Variants in ANKRD23 observed in about 807,000 individuals in gnomAD.
ANKRD23 encodes the protein ankyrin repeat domain-containing protein 23.
ANKRD23 carries 52 observed loss-of-function variants against 38.1 expected under a neutral mutation model. The ratio of observed to expected loss-of-function variants is 1.36; its 90% CI spans 1.09 to 1.72. The LOEUF (loss-of-function observed/expected upper bound fraction) is 1.72, where lower values mean the gene tolerates loss of function less well. Among genes scored for constraint, ANKRD23 ranks in the 40% most tolerant of loss-of-function variants. The pLI, the probability that ANKRD23 is intolerant of heterozygous loss-of-function variation, is 0.00. For missense variants in ANKRD23, 416 were observed against 400.2 expected, an observed-to-expected ratio of 1.04 and a Z score of -0.34; for synonymous variants, 167 against 162.9, an observed-to-expected ratio of 1.03 and a Z score of -0.19.
intron 3 of ANKRD23, 104 bp from the exon 4 acceptor site, chr2:96,841,016 G>C: frequency 7.0e-7 from 1 of 1,424,356 alleles, no homozygotes; most frequent in Admixed American, 2.1e-5. Context: ...AGCCCACCAA[G>C]GAACACTGCT....
At chr2:96,840,556 A>C in intron 4 of ANKRD23, 42 bp from the exon 5 acceptor site, 2 of 1,595,686 alleles carry the variant, frequency 1.3e-6, no homozygotes, top group Non-Finnish European at 1.7e-6. Flanking sequence ...GAGTGCAGCC[A>C]CCCCTAGAGA....
intron 3 of ANKRD23, among the ~76,000 whole-genome samples, chr2:96,841,843 G>C (rs563462468): frequency 6.6e-5 from 10 of 152,222 alleles, no homozygotes; most frequent in African/African-American, 2.2e-4. Context: ...CCAGGACAGC[G>C]AGGTGACACA....
At position 96,842,495 on chromosome 2, in the gene ANKRD23, A is replaced by C. The variant is rs2079773154; in HGVS notation, c.44T>G (p.Val15Gly). Residue 15 changes from valine to glycine, a missense_variant, in exon 2 of 9, where the codon GTT becomes GGT. By Grantham distance (109) the Val-to-Gly change is moderately radical. Transcript: ENST00000318357. ...SIQQLVSGER[V>G]EGKVLGFGHG... ...TCCAAATCCCAACACTTTCCCTTCAACTCTTTCTCCACTTACCTGTAGGAA... is the reference window on the plus strand; with the variant it reads ...TCCAAATCCCAACACTTTCCCTTCACCTCTTTCTCCACTTACCTGTAGGAA... 1 of 1,613,482 alleles carries C rather than the reference A, an allele frequency of 6.2e-7. No individual in the cohort carries two copies. The highest frequency in any genetic ancestry group is 1.7e-4 in the Middle Eastern group (1 of 6,054).
At position 96,839,130 on chromosome 2, in the gene ANKRD23, C is replaced by G. The variant is rs1000254778; in HGVS notation, c.*419G>C. 2.5e-5 allele frequency: 25 copies of G among 997,036 alleles called. No homozygotes were observed. The African/African-American group carries it at 3.8e-4, about 15-fold the overall frequency. 61.8% of individuals were successfully genotyped at this position (997,036 alleles called of 1,614,324 possible). ...CGGGCTGAGTCCCCACACACACAGA[C>G]TGGCCCTGGAGAGAGCAAGGCAAGC... On this transcript the variant is annotated 3_prime_UTR_variant, in exon 9 of 9. Coordinates refer to ENST00000318357, the MANE Select transcript of ANKRD23 (RefSeq NM_144994.8).
chr2:96,840,504 G>T lies in ANKRD23; in HGVS notation c.437C>A (p.Thr146Asn). 1 of 1,613,858 alleles carries T rather than the reference G, an allele frequency of 6.2e-7. No homozygotes were observed. Among genetic ancestry groups the T allele is most frequent in the South Asian group, 1.1e-5 (1 of 91,076 alleles). ...CTTCAGACAGGCCCAGTGCAAGGCG[G>T]TGCGGTGGAGCTGAGGGCAGAGATG... Reference protein sequence around the residue: ...DPNAHDKLHRTALHWACLKGH... With the variant: ...DPNAHDKLHRNALHWACLKGH... Residue 146 changes from threonine (T) to asparagine (N), a missense_variant, in exon 5 of 9, where the codon ACC (threonine) becomes AAC (asparagine). Physicochemically the swap from Thr to Asn is moderately conservative, Grantham distance 65. Coordinates refer to ENST00000318357, the MANE Select transcript of ANKRD23 (RefSeq NM_144994.8).
Position 96,842,199 on chromosome 2 carries a change from C to G in ANKRD23, c.175-14G>C, listed in dbSNP as rs1437558079. On this transcript the variant is annotated splice_polypyrimidine_tract_variant and intron_variant, in intron 2 of 8. Coordinates refer to ENST00000318357, the MANE Select transcript of ANKRD23 (RefSeq NM_144994.8). ...AAATCTTTCAAGCTGGGGCAGAAGACAAGACCATGCCAGCCATCAGCCGCT... is the reference window on the plus strand; with the variant it reads ...AAATCTTTCAAGCTGGGGCAGAAGAGAAGACCATGCCAGCCATCAGCCGCT... The G allele has an allele frequency of 1.9e-6, 3 of 1,613,940 alleles. No homozygotes were observed. The highest frequency in any genetic ancestry group is 1.7e-4 in the Middle Eastern group (1 of 5,920).
chr2:96,841,721 C>T (rs536694482), intron 3 of ANKRD23, among the ~76,000 whole-genome samples: 9 of 151,966 alleles, frequency 5.9e-5, no homozygotes, highest in East Asian at 5.8e-4. Context: ...AGCCAAGGAA[C>T]GCCAAAGATC....
At position 96,842,300 on chromosome 2, in the gene ANKRD23, T is replaced by C. The variant is rs1044626326; in HGVS notation, c.174+65A>G. The C allele has an allele frequency of 4.4e-6, 7 of 1,604,328 alleles. No homozygotes were observed. In the African/African-American group the frequency reaches 8.0e-5, roughly 18 times the overall value. ...TGCCCCACCAGAGTCCCTCCAGGCC[T>C]CACTGCTCAGCCGGCCTCAGGGATT... On this transcript the variant is annotated intron_variant, in intron 2 of 8. Transcript: ENST00000318357.
At position 96,839,739 on chromosome 2, in the gene ANKRD23, C is replaced by A. The variant is rs1298521263; in HGVS notation, c.810G>T (p.Gly270=). Residue 270 remains glycine, a synonymous_variant, in exon 8 of 9, where the codon GGG becomes GGT. Coordinates refer to ENST00000318357, the MANE Select transcript of ANKRD23 (RefSeq NM_144994.8). The stretch of plus-strand genomic sequence containing the variant: ...CGCCCACACTCACCGCGTTCCGCAC[C>A]CCCAGCTCGGCCCCATAGAGCAGCA... ...KLLLLYGAEL[G]VRNAASVTPV... 1 of 1,613,116 alleles carries A rather than the reference C, an allele frequency of 6.2e-7. No individual in the cohort carries two copies. The highest frequency in any genetic ancestry group is 1.3e-5 in the African/African-American group (1 of 74,940).
Position 96,840,580 on chromosome 2 carries a change from C to T in ANKRD23, c.427-66G>A, listed in dbSNP as rs1057239543. On this transcript the variant is annotated intron_variant, in intron 4 of 8. Transcript: ENST00000318357. ...CACCCCTAGAGACCCCACGCGGTCC[C>T]CTTCCCAGGGCCAGGTCCCTGAATG... 3.2e-6 allele frequency: 5 copies of T among 1,571,964 alleles called. No individual in the cohort carries two copies. In the Admixed American group the frequency reaches 6.9e-5, roughly 22 times the overall value.
At chr2:96,840,572 C>T (rs766950700) in intron 4 of ANKRD23, 58 bp from the exon 5 acceptor site, 46 of 1,581,496 alleles carry the variant, frequency 2.9e-5, no homozygotes, top group Admixed American at 3.4e-5. Context: ...AGAGACCCCA[C>T]GCGGTCCCCT....
In ANKRD23 at chr2:96,838,715, G is replaced by A. The variant is rs1407033492; in HGVS notation, c.*834C>T. Reference sequence around the variant, plus strand: ...CACAAGCAATCCCCAGTGCCCAGGCGCTTCCCCATGAGAGCCGCCAGCAGG... The same window carrying A: ...CACAAGCAATCCCCAGTGCCCAGGCACTTCCCCATGAGAGCCGCCAGCAGG... On this transcript the variant is annotated 3_prime_UTR_variant, in exon 9 of 9. Transcript: ENST00000318357. The A allele has an allele frequency of 4.1e-6, 4 of 985,522 alleles. No homozygotes were observed. The highest frequency in any genetic ancestry group is 1.1e-4 in the East Asian group (1 of 8,828). The allele number at this position is 985,522 out of a possible 1,614,324, so 61.0% of individuals were successfully genotyped here.
intron 4 of ANKRD23, 34 bp from the exon 5 acceptor site, chr2:96,840,548 G>A: frequency 1.2e-6 from 2 of 1,608,306 alleles, no homozygotes; most frequent in Non-Finnish European, 1.7e-6. Context: ...GGCAGAGGGA[G>A]TGCAGCCACC....
In ANKRD23 at chr2:96,842,110, T is replaced by A. The variant is rs2079768485; in HGVS notation, c.250A>T (p.Lys84Ter). 12 of 1,614,154 alleles carry A rather than the reference T, an allele frequency of 7.4e-6. No individual in the cohort carries two copies. The East Asian group carries it at 2.7e-4, about 36-fold the overall frequency. ...GGGGGGACTCTGTGTCTCAGTCGCTTTTTCCGTCTTTGAACCAAGTTTTCC... is the reference window on the plus strand; with the variant it reads ...GGGGGGACTCTGTGTCTCAGTCGCTATTTCCGTCTTTGAACCAAGTTTTCC... ...DLENLVQRRKKRLRHRVPPRK... is the reference protein window; with the variant it reads ...DLENLVQRRK The change falls in exon 3 of 9, where the codon AAG (lysine) becomes TAG (stop). Residue 84 changes from lysine to a stop codon, truncating the protein, a stop_gained. Transcript: ENST00000318357. LOFTEE classifies it high-confidence loss of function.
rs1574128366 is a variant in ANKRD23 at position 96,840,767 on chromosome 2, A to C, written c.426+20T>G. The C allele has an allele frequency of 6.2e-7, 1 of 1,613,194 alleles. No individual in the cohort carries two copies. Among genetic ancestry groups the C allele is most frequent in the Non-Finnish European group, 8.5e-7 (1 of 1,179,598 alleles). ...CTGCAGCTGCAGCTGCTGCCAGCCG[A>C]CTCACCCAACCTGTGCTACCTTGTC... is the stretch of plus-strand genomic sequence containing the variant. On this transcript the variant is annotated intron_variant, in intron 4 of 8. Transcript: ENST00000318357.
intron 3 of ANKRD23, among the ~76,000 whole-genome samples, chr2:96,841,731 C>T (rs774354171): frequency 2.0e-4 from 30 of 151,798 alleles, no homozygotes; most frequent in Non-Finnish European, 4.1e-4. Flanking sequence ...CGCCAAAGAT[C>T]ACCAGCATCC....
chr2:96,839,905 G>A (rs1421833240), intron 7 of ANKRD23, 80 bp from the exon 8 acceptor site: 2 of 1,546,114 alleles, frequency 1.3e-6, no homozygotes, highest in Non-Finnish European at 8.8e-7. Flanking sequence ...TGCTGTCACC[G>A]AGCAGACAGC....
chr2:96,840,578 C>A, intron 4 of ANKRD23, 64 bp from the exon 5 acceptor site: 1 of 1,575,938 alleles, frequency 6.3e-7, no homozygotes, highest in South Asian at 1.1e-5. Context: ...CCCACGCGGT[C>A]CCCTTCCCAG....
rs2079718689 is a variant in ANKRD23 at position 96,838,482 on chromosome 2, G to C, written c.*1067C>G. 1.0e-6 allele frequency: 1 copy of C among 986,626 alleles called. No individual in the cohort carries two copies. The highest frequency in any genetic ancestry group is 6.1e-5 in the Admixed American group (1 of 16,272). The allele number at this position is 986,626 out of a possible 1,614,324, so 61.1% of individuals were successfully genotyped here. A position where few individuals can be genotyped will look rare whatever the true frequency, so the allele number is the denominator to read the frequency against. ...CAGGGAAGGGATGGGAAGGGCTGGG[G>C]GGCGGCGGGGGCTCACCTTCCTCTG... On this transcript the variant is annotated 3_prime_UTR_variant, in exon 9 of 9. Transcript: ENST00000318357.
Sources: allele counts gnomAD v4.1 joint callset (sites outside exome capture counted in the v4.1 genomes callset), GRCh38; gene constraint gnomAD v4.1.1; transcripts MANE v1.5; gene names NCBI Gene and HGNC (gene_info 2026-07-23, HGNC 2026-07-21).